Variants in RIOX2 observed in about 807,000 individuals in gnomAD.
The protein encoded by RIOX2 is 60S ribosomal protein L27a histidine hydroxylase.
A neutral mutation model predicts 51.2 loss-of-function variants in RIOX2; 43 were observed. The ratio of observed to expected loss-of-function variants is 0.84; its 90% confidence interval spans 0.66 to 1.08. The LOEUF (loss-of-function observed/expected upper bound fraction) is 1.08, where lower values mean the gene tolerates loss of function less well. Ranked by LOEUF, RIOX2 falls within the 50% of genes least tolerant of loss-of-function variation. The pLI is 0.00. For missense variants in RIOX2, 566 were observed against 561.7 expected, an observed-to-expected ratio of 1.01 and a Z score of -0.08; for synonymous variants, 226 against 218.5, an observed-to-expected ratio of 1.03 and a Z score of -0.30.
At chr3:97,965,449 T>C (rs854582) in intron 2 of RIOX2, among the ~76,000 whole-genome samples, 37,355 of 150,584 alleles carry the variant, frequency 0.25, 5,274 homozygotes, top group African/African-American at 0.4. Flanking sequence ...GAGGCAGAGG[T>C]TGCAGTGAGC....
At chr3:97,965,707 G>T (rs1007686038) in intron 2 of RIOX2, among the ~76,000 whole-genome samples, 1 of 152,144 alleles carries the variant, frequency 6.6e-6, no homozygotes, top group Admixed American at 6.5e-5. Context: ...CCCTGCGGGG[G>T]ATGATTCTAA....
intron 5 of RIOX2, chr3:97,952,152 C>T (rs765310357): frequency 7.8e-7 from 1 of 1,288,114 alleles, no homozygotes; most frequent in Non-Finnish European, 1.0e-6. Flanking sequence ...AAATATTCAC[C>T]TTTACATGGT....
chr3:97,944,806 T>G lies in RIOX2; in HGVS notation c.*378A>C, dbSNP rs2040315428. 6.4e-6 allele frequency: 1 copy of G among 156,676 alleles called. No homozygotes were observed. The highest frequency in any genetic ancestry group is 1.4e-5 in the Non-Finnish European group (1 of 70,944). The allele number at this position is 156,676 out of a possible 1,614,324, so 9.7% of individuals were successfully genotyped here. A position where few individuals can be genotyped will look rare whatever the true frequency, so the allele number is the denominator to read the frequency against. On this transcript the variant is annotated 3_prime_UTR_variant, in exon 10 of 10. Transcript: ENST00000394198. ...TAAAAAACCAGTTTAAAATTTTTTC[T>G]TATTTTAATTGTTTGAAATTTTTCT...
At position 97,957,807 on chromosome 3, in the gene RIOX2, T is replaced by G. The variant is rs143192844; in HGVS notation, c.681+1244A>C. Among the ~76,000 whole-genome samples, 633 of 152,264 alleles carry G rather than the reference T, an allele frequency of 4.2e-3. 6 individuals carry two copies. The highest frequency in any genetic ancestry group is 0.015 in the African/African-American group (612 of 41,544). On this transcript the variant is annotated intron_variant, in intron 4 of 9. Coordinates refer to ENST00000394198, the MANE Select transcript of RIOX2 (RefSeq NM_153182.4). ...CAACCGTGAATCTATGTAAACATGA[T>G]GCAACAAAGCTGGCAACCTCTGTGA...
At chr3:97,963,467 C>T (rs1705758876) in intron 2 of RIOX2, among the ~76,000 whole-genome samples, 1 of 152,174 alleles carries the variant, frequency 6.6e-6, no homozygotes, top group African/African-American at 2.4e-5. Context: ...CTCTATAGAT[C>T]TCAGAGTTTC....
At position 97,943,386 on chromosome 3, in the gene RIOX2, C is replaced by T. The variant is rs946173160; in HGVS notation, c.*1798G>A. Reference sequence around the variant, plus strand: ...AACACATCTGTCATTGTCTTGTGGACGTGGAAAGGAAGCTACTGTCCTCAC... The same window carrying T: ...AACACATCTGTCATTGTCTTGTGGATGTGGAAAGGAAGCTACTGTCCTCAC... On this transcript the variant is annotated 3_prime_UTR_variant, in exon 10 of 10. Transcript: ENST00000394198. The T allele has an allele frequency of 1.7e-5, 15 of 881,512 alleles. No homozygotes were observed. The highest frequency in any genetic ancestry group is 8.8e-5 in the South Asian group (6 of 67,838). The allele number at this position is 881,512 out of a possible 1,614,324, so 54.6% of individuals were successfully genotyped here. A position where few individuals can be genotyped will look rare whatever the true frequency, so the allele number is the denominator to read the frequency against.
rs754536159 is a variant in RIOX2, at chr3:97,949,951, C to T, written c.953G>A (p.Arg318Gln). 6.8e-6 allele frequency: 11 copies of T among 1,613,804 alleles called. No individual in the cohort carries two copies. In the East Asian group the frequency reaches 8.9e-5, roughly 13 times the overall value. The change falls in exon 7 of 10, where the codon CGG becomes CAG. Residue 318 changes from arginine (R) to glutamine (Q), a missense_variant. By Grantham distance (43) the Arg-to-Gln change is conservative (BLOSUM62 1). Coordinates refer to ENST00000394198, the MANE Select transcript of RIOX2 (RefSeq NM_153182.4). The part of the protein sequence containing the change: ...LSGFLRTLAD[R>Q]LEGTKELLSS... ...AAGCAGTTCTTTGGTGCCCTCCAGCCGGTCTGCAAGTGTCCTCAGGAAGCC... is the reference window on the plus strand; with the variant it reads ...AAGCAGTTCTTTGGTGCCCTCCAGCTGGTCTGCAAGTGTCCTCAGGAAGCC...
At chr3:97,967,736 G>T in intron 1 of RIOX2, 104 bp from the exon 2 acceptor site, 1 of 781,752 alleles carries the variant, frequency 1.3e-6, no homozygotes, top group Non-Finnish European at 2.0e-6. Context: ...ACACCTTCGT[G>T]AGAACTCTTC....
Position 97,945,855 on chromosome 3 carries a change from A to C in RIOX2, c.1182T>G (p.Tyr394Ter). 1 of 1,610,438 alleles carries C rather than the reference A, an allele frequency of 6.2e-7. No individual in the cohort carries two copies. The highest frequency in any genetic ancestry group is 8.5e-7 in the Non-Finnish European group (1 of 1,177,214). The change falls in exon 9 of 10, where the codon TAT becomes TAG. Residue 394 changes from tyrosine (Y) to a stop codon, truncating the protein, a stop_gained. Transcript: ENST00000394198. LOFTEE classifies it high-confidence loss of function. ...TCTCTCTACTATTCTTTAAGGAATG[A>C]TAGATGTACACCATCTTTTCTTGAG... ...DEAQEKMVYI[Y>*]HSLKNSRETH...
Position 97,954,630 on chromosome 3 carries a change from T to C in RIOX2, c.682-135A>G, listed in dbSNP as rs1026735948. The C allele has an allele frequency of 1.3e-5, 9 of 699,794 alleles. No homozygotes were observed. In the Admixed American group the frequency reaches 2.0e-4, roughly 15 times the overall value. The allele number at this position is 699,794 out of a possible 1,614,324, so 43.3% of individuals were successfully genotyped here. A position where few individuals can be genotyped will look rare whatever the true frequency, so the allele number is the denominator to read the frequency against. ...AACCACAACCTCAAGGCACAGTCTA[T>C]ATGCTGGGCTCATGTCGTGTGCAGC... On this transcript the variant is annotated intron_variant, in intron 4 of 9. Coordinates refer to ENST00000394198, the MANE Select transcript of RIOX2 (RefSeq NM_153182.4).
intron 5 of RIOX2, among the ~76,000 whole-genome samples, chr3:97,951,715 A>G (rs1010299853): frequency 6.6e-6 from 1 of 152,214 alleles, no homozygotes; most frequent in Non-Finnish European, 1.5e-5. Context: ...TCAGTAAGCA[A>G]AATTAACACT....
intron 5 of RIOX2, 172 bp downstream of exon 5, chr3:97,954,220 G>A: frequency 1.7e-6 from 1 of 579,106 alleles, no homozygotes; most frequent in Non-Finnish European, 3.1e-6. Context: ...AGTCCAGAGG[G>A]ACCAGTCACA....
chr3:97,966,242 A>G (rs1258328052), intron 2 of RIOX2, among the ~76,000 whole-genome samples: 1 of 152,236 alleles, frequency 6.6e-6, no homozygotes, highest in Admixed American at 6.5e-5. Flanking sequence ...GAAGCCATCA[A>G]TAAAGCCAGA....
At position 97,961,645 on chromosome 3, in the gene RIOX2, C is replaced by T; in HGVS notation, c.496G>A (p.Val166Met). The change falls in exon 3 of 10, where the codon GTG becomes ATG. Residue 166 changes from valine to methionine, a missense_variant. Val to Met is a conservative substitution (Grantham distance 21). Transcript: ENST00000394198. The part of the protein sequence containing the change: ...CYFGSLVGSN[V>M]YITPAGSQGL... Reference sequence around the variant, plus strand: ...TGAGATCCTGCGGGAGTTATGTACACATTCGAGCCAACCAAGGAGCCAAAG... The same window carrying T: ...TGAGATCCTGCGGGAGTTATGTACATATTCGAGCCAACCAAGGAGCCAAAG... 1 of 1,612,894 alleles carries T rather than the reference C, an allele frequency of 6.2e-7. No individual in the cohort carries two copies. The highest frequency in any genetic ancestry group is 1.1e-5 in the South Asian group (1 of 90,864).
At chr3:97,950,938 C>T (rs761176272) in intron 5 of RIOX2, 50 bp from the exon 6 acceptor site, 158 of 1,274,054 alleles carry the variant, frequency 1.2e-4, no homozygotes, top group South Asian at 1.2e-3. Context: ...TGAGTGCATA[C>T]GAAATATACA....
rs1243759763 is a variant in RIOX2, at chr3:97,943,463, C to T, written c.*1721G>A. Reference sequence around the variant, plus strand: ...CATTTTCTCCAGCCTCTGAGACTATCGCTCTTAACCATGGAAAAGCTCAAA... The same window carrying T: ...CATTTTCTCCAGCCTCTGAGACTATTGCTCTTAACCATGGAAAAGCTCAAA... On this transcript the variant is annotated 3_prime_UTR_variant, in exon 10 of 10. Coordinates refer to ENST00000394198, the MANE Select transcript of RIOX2 (RefSeq NM_153182.4). The T allele has an allele frequency of 1.3e-5, 8 of 600,290 alleles. No individual in the cohort carries two copies. The highest frequency in any genetic ancestry group is 4.0e-5 in the South Asian group (2 of 49,668). 37.2% of individuals were successfully genotyped at this position (600,290 alleles called of 1,614,324 possible).
intron 5 of RIOX2, among the ~76,000 whole-genome samples, chr3:97,953,749 G>A (rs970301805): frequency 1.1e-4 from 16 of 152,174 alleles, no homozygotes; most frequent in African/African-American, 3.1e-4. Context: ...AACTCACACA[G>A]CACTGCCACC....
At position 97,943,475 on chromosome 3, in the gene RIOX2, T is replaced by C. The variant is rs187529429; in HGVS notation, c.*1709A>G. The C allele has an allele frequency of 2.1e-4, 123 of 582,362 alleles. No homozygotes were observed. Among genetic ancestry groups the C allele is most frequent in the African/African-American group, 1.8e-3 (92 of 50,526 alleles). The allele number at this position is 582,362 out of a possible 1,614,324, so 36.1% of individuals were successfully genotyped here. On this transcript the variant is annotated 3_prime_UTR_variant, in exon 10 of 10. Coordinates refer to ENST00000394198, the MANE Select transcript of RIOX2 (RefSeq NM_153182.4). The stretch of plus-strand genomic sequence containing the variant: ...CCTCTGAGACTATCGCTCTTAACCA[T>C]GGAAAAGCTCAAAATATTCTTGCCA...
intron 8 of RIOX2, 127 bp downstream of exon 8, chr3:97,947,234 T>C (rs1431989185): frequency 2.8e-6 from 2 of 701,786 alleles, no homozygotes; most frequent in East Asian, 5.1e-5. Context: ...CCTGAAGAAA[T>C]GGCATTAAAC....
Sources: allele counts gnomAD v4.1 joint callset (sites outside exome capture counted in the v4.1 genomes callset), GRCh38; gene constraint gnomAD v4.1.1; transcripts MANE v1.5; gene names NCBI Gene and HGNC (gene_info 2026-07-23, HGNC 2026-07-21).